Variants in ANKS1B observed in about 807,000 individuals in gnomAD.
ANKS1B encodes the protein ankyrin repeat and sterile alpha motif domain-containing protein 1B.
ANKS1B carries 36 observed loss-of-function variants against 148.3 expected under a neutral mutation model. That is an observed-to-expected ratio of 0.24 (90% CI 0.19 to 0.32). The LOEUF is 0.32. Among genes scored for constraint, ANKS1B ranks in the 10% least tolerant of loss-of-function variants. The pLI, the probability that ANKS1B is intolerant of heterozygous loss-of-function variation, is 1.00. For missense variants in ANKS1B, 1,157 were observed against 1,542.6 expected, an observed-to-expected ratio of 0.75 and a Z score of 4.19; for synonymous variants, 542 against 560.8, an observed-to-expected ratio of 0.97 and a Z score of 0.47.
At chr12:99,041,475 C>G (rs894884554) in intron 17 of ANKS1B, among the ~76,000 whole-genome samples, 2 of 152,112 alleles carry the variant, frequency 1.3e-5, no homozygotes, top group African/African-American at 4.8e-5. Context: ...TGTTTATCAT[C>G]TATCATTCTC....
At chr12:99,277,668 A>C (rs1200206467) in intron 12 of ANKS1B, among the ~76,000 whole-genome samples, 1 of 152,164 alleles carries the variant, frequency 6.6e-6, no homozygotes, top group Non-Finnish European at 1.5e-5. Context: ...GGGAAGCAAA[A>C]CTGAACCCTA....
intron 13 of ANKS1B, 101 bp downstream of exon 13, chr12:99,246,174 T>A (rs1203778713): frequency 6.9e-6 from 6 of 872,348 alleles, no homozygotes; most frequent in Middle Eastern, 2.2e-4. Flanking sequence ...TGCTTTTTTT[T>A]TTCTTGCTTT....
At chr12:98,807,287 T>C (rs1387163457) in intron 20 of ANKS1B, among the ~76,000 whole-genome samples, 2 of 152,098 alleles carry the variant, frequency 1.3e-5, no homozygotes, top group East Asian at 3.9e-4. Flanking sequence ...TACTGTCAAA[T>C]GGAAAAAGGC....
chr12:99,553,477 A>G (rs1334516385), intron 9 of ANKS1B, among the ~76,000 whole-genome samples: 3 of 152,210 alleles, frequency 2.0e-5, no homozygotes, highest in Non-Finnish European at 2.9e-5. Flanking sequence ...GAAGTAGACC[A>G]AGAATATTAG....
At chr12:99,108,021 T>A (rs959740395) in intron 15 of ANKS1B, among the ~76,000 whole-genome samples, 3 of 152,166 alleles carry the variant, frequency 2.0e-5, no homozygotes, top group Non-Finnish European at 4.4e-5. Flanking sequence ...AGGAAGAACA[T>A]AAAGAATAAA....
At chr12:99,687,863 A>T (rs904394071) in intron 8 of ANKS1B, among the ~76,000 whole-genome samples, 2 of 152,168 alleles carry the variant, frequency 1.3e-5, no homozygotes, top group Admixed American at 1.3e-4. Context: ...TTACACACAA[A>T]ATAATTTTTT....
At chr12:98,947,042 C>T (rs2099846603) in intron 17 of ANKS1B, among the ~76,000 whole-genome samples, 1 of 148,870 alleles carries the variant, frequency 6.7e-6, no homozygotes, top group African/African-American at 2.5e-5. Flanking sequence ...GCAGAGGATA[C>T]TGCCAACACA....
At chr12:98,816,820 T>A (rs1282284732) in intron 19 of ANKS1B, among the ~76,000 whole-genome samples, 1 of 152,062 alleles carries the variant, frequency 6.6e-6, no homozygotes, top group African/African-American at 2.4e-5. Flanking sequence ...ATGGTGGGTC[T>A]CAGAACAGAG....
At chr12:99,212,209 T>A (rs983451586) in intron 14 of ANKS1B, among the ~76,000 whole-genome samples, 36 of 152,226 alleles carry the variant, frequency 2.4e-4, no homozygotes, top group African/African-American at 6.8e-4. Flanking sequence ...ACTAGGGTTA[T>A]CGCCTAAAAA....
chr12:98,952,750 A>T (rs2099855986), intron 17 of ANKS1B, among the ~76,000 whole-genome samples: 1 of 152,168 alleles, frequency 6.6e-6, no homozygotes, highest in South Asian at 2.1e-4. Context: ...CAGATATCTA[A>T]ATCCAAACTC....
chr12:99,656,160 A>T (rs2098448879), intron 8 of ANKS1B, among the ~76,000 whole-genome samples: 1 of 152,302 alleles, frequency 6.6e-6, no homozygotes, highest in East Asian at 1.9e-4. Context: ...CTCCAAAAAC[A>T]AGAGAATTAA....
chr12:99,444,477 G>C (rs1435151648), intron 10 of ANKS1B, among the ~76,000 whole-genome samples: 1 of 151,724 alleles, frequency 6.6e-6, no homozygotes, highest in East Asian at 1.9e-4. Flanking sequence ...TTTAGGAGGG[G>C]GGAATAAAGA....
At chr12:99,045,759 G>C (rs1158350133) in intron 17 of ANKS1B, among the ~76,000 whole-genome samples, 4 of 152,216 alleles carry the variant, frequency 2.6e-5, no homozygotes, top group Admixed American at 2.6e-4. Flanking sequence ...AGTGATCCCT[G>C]AGAGATGGAA....
chr12:99,984,339 A>C lies in ANKS1B; in HGVS notation c.-102T>G. ...CCAGGGCCCTCTTCGCCCCACCCTA[A>C]AATAATGCAAGAGCTTCAGCACGGA... On this transcript the variant is annotated 5_prime_UTR_variant, in exon 1 of 27. Transcript: ENST00000683438. 2 of 1,127,110 alleles carry C rather than the reference A, an allele frequency of 1.8e-6. No individual in the cohort carries two copies. The highest frequency in any genetic ancestry group is 2.5e-6 in the Non-Finnish European group (2 of 813,296). 69.8% of individuals were successfully genotyped at this position (1,127,110 alleles called of 1,614,324 possible). A position where few individuals can be genotyped will look rare whatever the true frequency, so the allele number is the denominator to read the frequency against.
chr12:99,371,429 A>T (rs1361504470), intron 12 of ANKS1B, among the ~76,000 whole-genome samples: 1 of 152,074 alleles, frequency 6.6e-6, no homozygotes, highest in African/African-American at 2.4e-5. Context: ...AATTTAAGAG[A>T]TAAGACATGT....
intron 17 of ANKS1B, among the ~76,000 whole-genome samples, chr12:98,992,569 T>C (rs2099927263): frequency 6.6e-6 from 1 of 152,210 alleles, no homozygotes; most frequent in African/African-American, 2.4e-5. Context: ...CTTCGCCTTC[T>C]GCTATGATTG....
intron 4 of ANKS1B, among the ~76,000 whole-genome samples, chr12:99,788,030 A>G (rs1275381900): frequency 6.6e-6 from 1 of 152,146 alleles, no homozygotes; most frequent in Non-Finnish European, 1.5e-5. Flanking sequence ...TCCTCAGTAA[A>G]CTTGAAAGGC....
intron 17 of ANKS1B, among the ~76,000 whole-genome samples, chr12:99,020,390 G>T (rs1030607821): frequency 1.3e-5 from 2 of 151,962 alleles, no homozygotes; most frequent in African/African-American, 2.4e-5. Flanking sequence ...TAACATAAAA[G>T]TATTTTATCT....
At chr12:99,777,129 G>C (rs1053946647) in intron 6 of ANKS1B, among the ~76,000 whole-genome samples, 2 of 152,200 alleles carry the variant, frequency 1.3e-5, no homozygotes, top group African/African-American at 4.8e-5. Flanking sequence ...TCTGTATAAA[G>C]ATTAAATGAA....
Sources: gnomAD v4.1 joint callset for allele counts (sites outside exome capture counted in the v4.1 genomes callset) on GRCh38, gnomAD v4.1.1 for gene constraint, MANE v1.5 for transcripts, NCBI Gene and HGNC (gene_info 2026-07-23, HGNC 2026-07-21) for gene names.